Variants in NAV3 observed in about 807,000 individuals in gnomAD.
NAV3 encodes neuron navigator 3, also known as pore membrane and/or filament interacting like protein 1.
In NAV3, 87 loss-of-function variants were observed where a neutral mutation model predicts 244.7. The ratio of observed to expected loss-of-function variants is 0.36; its 90% CI spans 0.30 to 0.42. NAV3 has a LOEUF of 0.42. Among genes scored for constraint, NAV3 ranks in the 20% least tolerant of loss-of-function variants. NAV3 has a pLI of 1.00. For missense variants in NAV3, 2,663 were observed against 2,893.3 expected (o/e 0.92, Z 1.83); for synonymous variants, 1,126 against 1,042.2 (o/e 1.08, Z -1.55).
At chr12:77,661,121 G>C (rs896315376) in intron 2 of NAV3, among the ~76,000 whole-genome samples, 2 of 152,100 alleles carry the variant, frequency 1.3e-5, no homozygotes, top group South Asian at 4.1e-4. Flanking sequence ...TTGTTGACTA[G>C]AATGCTAAGT....
chr12:77,815,241 A>T (rs1872482447), intron 2 of NAV3, among the ~76,000 whole-genome samples: 1 of 152,200 alleles, frequency 6.6e-6, no homozygotes, highest in African/African-American at 2.4e-5. Flanking sequence ...TATAGTCTTA[A>T]TGATGGGATT....
intron 18 of NAV3, among the ~76,000 whole-genome samples, chr12:78,135,978 C>T (rs1956355707): frequency 6.6e-6 from 1 of 152,102 alleles, no homozygotes; most frequent in Non-Finnish European, 1.5e-5. Context: ...GAGGGTTGTT[C>T]TGTGTGTTAA....
At chr12:77,905,090 C>T (rs1009005370) in intron 1 of NAV3, among the ~76,000 whole-genome samples, 3 of 152,072 alleles carry the variant, frequency 2.0e-5, no homozygotes, top group African/African-American at 7.2e-5. Context: ...GAATTCATCT[C>T]AAATTATTTC....
intron 39 of NAV3, among the ~76,000 whole-genome samples, chr12:78,209,103 T>C (rs1433299411): frequency 6.6e-6 from 1 of 152,172 alleles, no homozygotes; most frequent in Non-Finnish European, 1.5e-5. Flanking sequence ...TTTAATAAAT[T>C]AGGAGAGTCA....
chr12:77,908,597 G>T (rs971326240), intron 1 of NAV3, among the ~76,000 whole-genome samples: 3 of 151,994 alleles, frequency 2.0e-5, no homozygotes, highest in African/African-American at 7.2e-5. Flanking sequence ...TTATAGTAGT[G>T]TTTGAATTTT....
chr12:77,605,228 C>T (rs1385249667), intron 2 of NAV3, among the ~76,000 whole-genome samples: 2 of 150,642 alleles, frequency 1.3e-5, no homozygotes, highest in African/African-American at 5.0e-5. Flanking sequence ...AGCTTCTATA[C>T]TCTCAGTTTA....
At chr12:78,173,638 C>T (rs1958097795) in intron 24 of NAV3, among the ~76,000 whole-genome samples, 1 of 151,292 alleles carries the variant, frequency 6.6e-6, no homozygotes, top group South Asian at 2.1e-4. Flanking sequence ...TACATGAAAA[C>T]CTTGATTTAG....
chr12:77,609,126 G>A (rs1870798000), intron 2 of NAV3, among the ~76,000 whole-genome samples: 2 of 151,934 alleles, frequency 1.3e-5, no homozygotes, highest in South Asian at 4.1e-4. Flanking sequence ...TTTATGTTCT[G>A]GTAATCCTTT....
chr12:77,648,768 A>G lies in NAV3; in HGVS notation c.72+76502A>G, dbSNP rs145770889. Among the ~76,000 whole-genome samples the G allele has an allele frequency of 2.1e-3, 326 of 152,220 alleles. 1 individual carries two copies. Among genetic ancestry groups the G allele is most frequent in the Non-Finnish European group, 4.1e-3 (280 of 67,970 alleles). On this transcript the variant is annotated intron_variant, in intron 2 of 8. Coordinates refer to the NAV3 transcript ENST00000550042. Reference sequence around the variant, plus strand: ...AAGATTGTTTTTAATGGTAATTTCTATGATTTCAGCATCCTGAATTTTCTC... The same window carrying G: ...AAGATTGTTTTTAATGGTAATTTCTGTGATTTCAGCATCCTGAATTTTCTC...
In NAV3 at chr12:77,746,104, G is replaced by GA. The variant is rs55758208; in HGVS notation, c.72+173848dup. 4.4e-3 allele frequency among the ~76,000 whole-genome samples: 647 copies of GA among 148,726 alleles called. 4 individuals carry two copies. Among genetic ancestry groups the GA allele is most frequent in the Admixed American group, 8.4e-3 (125 of 14,866 alleles). On this transcript the variant is annotated intron_variant, in intron 2 of 8. Coordinates refer to the NAV3 transcript ENST00000550042. ...AACTGTATTAAAATAGCAGTCGAAA[G>GA]AAAAAAAAAATCTCTAGTATGGTTT...
intron 2 of NAV3, among the ~76,000 whole-genome samples, chr12:77,774,212 G>C (rs892063507): frequency 6.6e-6 from 1 of 152,190 alleles, no homozygotes; most frequent in Non-Finnish European, 1.5e-5. Flanking sequence ...GCCATCTTCA[G>C]ATATTCAGTT....
chr12:77,996,429 A>G lies in NAV3; in HGVS notation c.740+1558A>G, dbSNP rs1192802412. 7.2e-5 allele frequency among the ~76,000 whole-genome samples: 11 copies of G among 152,246 alleles called. 1 individual carries two copies. The highest frequency in any genetic ancestry group is 7.2e-4 in the Admixed American group (11 of 15,276). ...ATATTCTAATACTTTGTATGACACA[A>G]TGTCCAATTAGCAAAATAGCTAAAG... On this transcript the variant is annotated intron_variant, in intron 6 of 39. Coordinates refer to ENST00000397909, the MANE Select transcript of NAV3 (RefSeq NM_001024383.2).
chr12:77,747,318 C>T (rs1868599732), intron 2 of NAV3, among the ~76,000 whole-genome samples: 1 of 152,006 alleles, frequency 6.6e-6, no homozygotes, highest in Non-Finnish European at 1.5e-5. Context: ...AAATGCAAAT[C>T]AAAACCACAA....
At chr12:78,037,138 C>T (rs1026620697) in intron 9 of NAV3, 4 of 702,916 alleles carry the variant, frequency 5.7e-6, no homozygotes, top group African/African-American at 3.5e-5. Flanking sequence ...CTCCTGCCTG[C>T]TGGGGGCAGC....
chr12:77,635,735 C>T (rs1372258164), intron 2 of NAV3, among the ~76,000 whole-genome samples: 2 of 152,122 alleles, frequency 1.3e-5, no homozygotes, highest in African/African-American at 4.8e-5. Context: ...GGTCTAGACT[C>T]TGCTATAAAT....
intron 2 of NAV3, among the ~76,000 whole-genome samples, chr12:77,778,414 A>C (rs181136774): frequency 0.052 from 7,827 of 151,206 alleles, 716 homozygotes; most frequent in African/African-American, 0.18. Context: ...AGGTCGAGAC[A>C]ATCCTGGCTA....
chr12:77,869,525 C>A (rs191613221), intron 1 of NAV3, among the ~76,000 whole-genome samples: 1 of 152,072 alleles, frequency 6.6e-6, no homozygotes, highest in Non-Finnish European at 1.5e-5. Flanking sequence ...CATGTCTGTT[C>A]TCTTCTCAAG....
At chr12:77,693,937 A>G (rs1177356761) in intron 2 of NAV3, among the ~76,000 whole-genome samples, 1 of 152,164 alleles carries the variant, frequency 6.6e-6, no homozygotes, top group East Asian at 1.9e-4. Flanking sequence ...CTGATAGGAT[A>G]TAAAATAAAT....
intron 2 of NAV3, among the ~76,000 whole-genome samples, chr12:77,741,418 A>G (rs1868334816): frequency 6.6e-6 from 1 of 152,072 alleles, no homozygotes. Flanking sequence ...TATACTGGTC[A>G]CACACACATT....
Sources: gnomAD v4.1 joint callset for allele counts (sites outside exome capture counted in the v4.1 genomes callset) on GRCh38, gnomAD v4.1.1 for gene constraint, MANE v1.5 for transcripts, NCBI Gene and HGNC (gene_info 2026-07-23, HGNC 2026-07-21) for gene names.